KIAA0825: variants seen among roughly 807,000 people sequenced by gnomAD.
KIAA0825 encodes uncharacterized protein KIAA0825.
KIAA0825 carries 119 observed loss-of-function variants against 147.6 expected under a neutral mutation model. The ratio of observed to expected loss-of-function variants is 0.81; its 90% CI spans 0.69 to 0.94. KIAA0825 has a LOEUF of 0.94. Ranked by LOEUF, KIAA0825 falls within the 40% of genes least tolerant of loss-of-function variation. KIAA0825 has a pLI of 0.00. For synonymous variants in KIAA0825, 470 were observed against 518.1 expected (o/e 0.91, Z 1.26); for missense variants, 1,381 against 1,472.7 (o/e 0.94, Z 1.02).
chr5:94,276,384 G>T (rs577785838), intron 20 of KIAA0825, among the ~76,000 whole-genome samples: 2 of 152,066 alleles, frequency 1.3e-5, no homozygotes, highest in African/African-American at 4.8e-5. Context: ...TCTTTCCTGA[G>T]AAAGGAGAAA....
intron 20 of KIAA0825, among the ~76,000 whole-genome samples, chr5:94,185,844 A>G (rs1351413275): frequency 6.6e-6 from 1 of 152,220 alleles, no homozygotes; most frequent in Non-Finnish European, 1.5e-5. Flanking sequence ...AGCAAGTTAC[A>G]TAATTTCTTT....
intron 20 of KIAA0825, among the ~76,000 whole-genome samples, chr5:94,274,267 T>A (rs934861697): frequency 1.3e-5 from 2 of 152,136 alleles, no homozygotes; most frequent in African/African-American, 4.8e-5. Context: ...GGTTGAACTA[T>A]CTCTTTCACC....
At chr5:94,195,906 C>G (rs932803897) in intron 20 of KIAA0825, among the ~76,000 whole-genome samples, 4 of 152,052 alleles carry the variant, frequency 2.6e-5, no homozygotes, top group Non-Finnish European at 5.9e-5. Flanking sequence ...GTGGCAGATG[C>G]TGTTGGAAAT....
intron 2 of KIAA0825, among the ~76,000 whole-genome samples, chr5:94,537,575 C>CCGG (rs10670311): frequency 0.17 from 25,147 of 149,264 alleles, 3,118 homozygotes; most frequent in African/African-American, 0.35. Flanking sequence ...GGTGTGAACC[C>CCGG]AGATGGAGCT....
chr5:94,554,361 T>C (rs760846551), intron 2 of KIAA0825, among the ~76,000 whole-genome samples: 2 of 152,170 alleles, frequency 1.3e-5, no homozygotes, highest in Non-Finnish European at 1.5e-5. Context: ...ATTATTTGTA[T>C]TATTCTTTGT....
intron 20 of KIAA0825, among the ~76,000 whole-genome samples, chr5:94,235,972 C>T (rs1775019277): frequency 6.6e-6 from 1 of 152,240 alleles, no homozygotes; most frequent in Middle Eastern, 3.2e-3. Flanking sequence ...TGAAACAATG[C>T]ACCTGGTCAT....
In KIAA0825 at chr5:94,201,084, A is replaced by G. The variant is rs1165415967; in HGVS notation, c.3711-46960T>C. ...CTGCATAAAAATACTTTGTGGAAGC[A>G]TAATATGTAAAGCATAAAAAATAGA... On this transcript the variant is annotated intron_variant, in intron 20 of 20. Transcript: ENST00000682413. Among the ~76,000 whole-genome samples the G allele has an allele frequency of 2.7e-5, 4 of 149,456 alleles. No homozygotes were observed. In the South Asian group the frequency reaches 8.4e-4, roughly 31 times the overall value.
At chr5:94,592,471 C>T (rs920540793) in intron 1 of KIAA0825, among the ~76,000 whole-genome samples, 1 of 152,052 alleles carries the variant, frequency 6.6e-6, no homozygotes, top group African/African-American at 2.4e-5. Context: ...TGATGTCTCT[C>T]GAGGAAAGGC....
intron 20 of KIAA0825, among the ~76,000 whole-genome samples, chr5:94,259,772 T>C (rs982414547): frequency 4.6e-5 from 7 of 151,958 alleles, no homozygotes; most frequent in Non-Finnish European, 1.0e-4. Context: ...CCTGCAGCAA[T>C]CTAATTTATA....
chr5:94,249,202 G>A (rs1166765662), intron 20 of KIAA0825, among the ~76,000 whole-genome samples: 1 of 152,086 alleles, frequency 6.6e-6, no homozygotes, highest in East Asian at 1.9e-4. Flanking sequence ...TTCTGTATGT[G>A]AGGATTTGGG....
chr5:94,318,407 T>G (rs1163171248), intron 20 of KIAA0825, among the ~76,000 whole-genome samples: 1 of 151,924 alleles, frequency 6.6e-6, no homozygotes, highest in African/African-American at 2.4e-5. Flanking sequence ...TGAAATACAT[T>G]TTCTCATACA....
At chr5:94,537,604 C>T (rs1374661269) in intron 2 of KIAA0825, among the ~76,000 whole-genome samples, 5 of 148,672 alleles carry the variant, frequency 3.4e-5, no homozygotes, top group South Asian at 2.1e-4. Flanking sequence ...GCCGCGATTG[C>T]GCCACTGCAC....
intron 1 of KIAA0825, among the ~76,000 whole-genome samples, chr5:94,588,096 G>A (rs1361273417): frequency 4.6e-5 from 7 of 152,108 alleles, no homozygotes; most frequent in Admixed American, 1.3e-4. Context: ...AACTGTAGAA[G>A]AAAGCCCGGC....
intron 13 of KIAA0825, 77 bp downstream of exon 13, chr5:94,452,882 T>A (rs1758596589): frequency 1.4e-6 from 1 of 725,326 alleles, no homozygotes; most frequent in Non-Finnish European, 2.1e-6. Context: ...TTCGTTTACA[T>A]CCATTGATAA....
intron 2 of KIAA0825, among the ~76,000 whole-genome samples, chr5:94,581,206 G>A (rs1248819222): frequency 6.6e-6 from 1 of 152,106 alleles, no homozygotes; most frequent in Non-Finnish European, 1.5e-5. Flanking sequence ...AGGATTAGAG[G>A]TACAAGAGGA....
intron 20 of KIAA0825, among the ~76,000 whole-genome samples, chr5:94,221,121 T>C (rs1430574286): frequency 2.0e-5 from 3 of 152,182 alleles, no homozygotes; most frequent in Non-Finnish European, 2.9e-5. Context: ...TTCAGTTTCA[T>C]CAAAAGAAGA....
intron 5 of KIAA0825, among the ~76,000 whole-genome samples, chr5:94,500,872 G>A (rs1245764115): frequency 1.3e-5 from 2 of 152,102 alleles, no homozygotes; most frequent in Admixed American, 6.5e-5. Context: ...CCGCCTCCCG[G>A]GTTCAAGCAA....
chr5:94,201,588 TG>T (rs1483107690), intron 20 of KIAA0825, among the ~76,000 whole-genome samples: 1 of 150,970 alleles, frequency 6.6e-6, no homozygotes, highest in Non-Finnish European at 1.5e-5. Context: ...AAAAAAAGGT[TG>T]TTTTTTTTTG....
chr5:94,465,582 G>A (rs1014372825), intron 10 of KIAA0825, among the ~76,000 whole-genome samples: 1 of 152,122 alleles, frequency 6.6e-6, no homozygotes. Context: ...AGGGGGATGG[G>A]TAACTATCGA....
Sources: allele counts gnomAD v4.1 joint callset (sites outside exome capture counted in the v4.1 genomes callset), GRCh38; gene constraint gnomAD v4.1.1; transcripts MANE v1.5; gene names NCBI Gene and HGNC (gene_info 2026-07-23, HGNC 2026-07-21).